The following NOP56 variants were observed in gnomAD, a reference collection of about 807,000 sequenced individuals.
NOP56 encodes the protein NOP56 ribonucleoprotein.
In NOP56, 31 loss-of-function variants were observed where a neutral mutation model predicts 58.3. The ratio of observed to expected loss-of-function variants is 0.53; its 90% CI spans 0.40 to 0.72. The LOEUF (loss-of-function observed/expected upper bound fraction) is 0.72. NOP56 is among the 30% of genes least tolerant of loss of function. NOP56 has a pLI of 0.00. For missense variants in NOP56, 669 were observed against 739.9 expected (o/e 0.90, Z 1.11); for synonymous variants, 313 against 282.8 (o/e 1.11, Z -1.07).
Position 2,655,370 on chromosome 20 carries a change from C to T in NOP56, c.615C>T (p.Asn205=), listed in dbSNP as rs753961148. 3.9e-5 allele frequency: 63 copies of T among 1,614,112 alleles called. No homozygotes were observed. In the East Asian group the frequency reaches 7.6e-4, roughly 19 times the overall value. Residue 205 remains asparagine, a synonymous_variant, in exon 6 of 12, where the codon AAC becomes AAT. Transcript: ENST00000329276. The part of the protein sequence containing the change: ...YHFPELVKII[N]DNATYCRLAQ... ...TTCCGGAGCTGGTGAAGATCATCAACGACAATGCCACATACTGCCGTCTTG... is the reference window on the plus strand; with the variant it reads ...TTCCGGAGCTGGTGAAGATCATCAATGACAATGCCACATACTGCCGTCTTG...
At chr20:2,654,160 C>T (rs1238748556) in intron 3 of NOP56, 1 of 708,194 alleles carries the variant, frequency 1.4e-6, no homozygotes, top group Non-Finnish European at 2.6e-6. Flanking sequence ...TATTTATTGC[C>T]CACTTGTGCT....
intron 11 of NOP56, 61 bp downstream of exon 11, chr20:2,657,279 A>C: frequency 3.1e-6 from 5 of 1,607,760 alleles, no homozygotes; most frequent in Non-Finnish European, 4.3e-6. Context: ...ACAGCAGAAC[A>C]AAGGATATGC....
At chr20:2,656,140 C>CTCTG in intron 8 of NOP56, 106 bp downstream of exon 8, 3 of 1,611,250 alleles carry the variant, frequency 1.9e-6, no homozygotes, top group Non-Finnish European at 2.5e-6. Context: ...CTATACAGGC[C>CTCTG]TCTGCTATGG....
chr20:2,655,964 A>G lies in NOP56; in HGVS notation c.940A>G (p.Ser314Gly), dbSNP rs1428414519. 1.9e-5 allele frequency: 30 copies of G among 1,614,060 alleles called. No homozygotes were observed. The highest frequency in any genetic ancestry group is 2.5e-5 in the Non-Finnish European group (30 of 1,180,044). The change falls in exon 8 of 12, where the codon AGC (serine) becomes GGC (glycine). Residue 314 changes from serine to glycine, a missense_variant. This residue lies in a region of NOP56 where 339 missense variants were observed against 430.5 expected (regional missense o/e 0.79). Transcript: ENST00000329276. ...TGCACGTCTCATCGCACATGCTGGC[A>G]GCCTCACCAACCTGGCCAAGTATCC... The part of the protein sequence containing the change: ...VGARLIAHAG[S>G]LTNLAKYPAS...
intron 3 of NOP56, 197 bp from the exon 4 acceptor site, chr20:2,654,217 G>A: frequency 1.3e-6 from 1 of 763,060 alleles, no homozygotes; most frequent in Non-Finnish European, 2.4e-6. Context: ...AGGCTTTGCA[G>A]TGATGACTTG....
intron 9 of NOP56, 87 bp downstream of exon 9, chr20:2,656,636 C>G: frequency 6.2e-7 from 1 of 1,606,334 alleles, no homozygotes; most frequent in Non-Finnish European, 8.5e-7. Context: ...ACAATGATGG[C>G]AATATTTTTC....
At chr20:2,655,270 C>T (rs758248414) in intron 5 of NOP56, 55 bp from the exon 6 acceptor site, 4 of 1,600,844 alleles carry the variant, frequency 2.5e-6, no homozygotes, top group Non-Finnish European at 1.7e-6. Context: ...AAGGCTGTAG[C>T]TCTATGGTTT....
chr20:2,655,102 A>G, intron 5 of NOP56, 155 bp downstream of exon 5: 5 of 1,082,474 alleles, frequency 4.6e-6, no homozygotes, highest in Non-Finnish European at 7.1e-6. Context: ...GTGTTCTTAC[A>G]CTGACTGTAT....
At chr20:2,655,266 G>GTA (rs777772752) in intron 5 of NOP56, 59 bp from the exon 6 acceptor site, 7 of 1,596,906 alleles carry the variant, frequency 4.4e-6, no homozygotes, top group Non-Finnish European at 2.6e-6. Context: ...AGGCAAGGCT[G>GTA]TAGCTCTATG....
In NOP56 at chr20:2,658,070, G is replaced by C. The variant is rs770566259; in HGVS notation, c.1561G>C (p.Asp521His). Residue 521 changes from aspartate (D) to histidine (H), a missense_variant, in exon 12 of 12, where the codon GAT becomes CAT. Asp to His is a moderately conservative substitution (Grantham distance 81). Around this residue, in one of 3 missense-constraint regions of NOP56, gnomAD observed 209 missense variants for 196.2 expected, o/e 1.07. Transcript: ENST00000329276. ...TTCCAAGGAGGAGTTGATGAGTAGC[G>C]ATCTTGAAGAGACCGCTGGCAGCAC... ...SFSKEELMSSDLEETAGSTSI... is the reference protein window; with the variant it reads ...SFSKEELMSSHLEETAGSTSI... 2.8e-5 allele frequency: 45 copies of C among 1,613,774 alleles called. No individual in the cohort carries two copies. The highest frequency in any genetic ancestry group is 3.3e-4 in the Middle Eastern group (2 of 6,082).
At chr20:2,656,625 C>T in intron 9 of NOP56, 76 bp downstream of exon 9, 1 of 1,607,148 alleles carries the variant, frequency 6.2e-7, no homozygotes, top group Non-Finnish European at 8.5e-7. Context: ...CCATAGCTTC[C>T]ACAATGATGG....
At chr20:2,655,066 A>T (rs1157438981) in intron 5 of NOP56, 119 bp downstream of exon 5, 1 of 1,287,586 alleles carries the variant, frequency 7.8e-7, no homozygotes, top group Non-Finnish European at 1.1e-6. Flanking sequence ...GGCTGGGTGT[A>T]GGCCTCCTGG....
chr20:2,656,065 G>T (rs765658870), intron 8 of NOP56, 31 bp downstream of exon 8: 1 of 1,613,920 alleles, frequency 6.2e-7, no homozygotes, highest in East Asian at 2.2e-5. Context: ...CCACAATCAG[G>T]TGCCACTTCT....
chr20:2,656,658 T>A (rs745467658), intron 9 of NOP56, 109 bp downstream of exon 9: 1 of 1,606,452 alleles, frequency 6.2e-7, no homozygotes, highest in Non-Finnish European at 8.5e-7. Context: ...TCAACAGCAG[T>A]TCACCTAGTG....
At position 2,656,430 on chromosome 20, in the gene NOP56, A is replaced by C; in HGVS notation, c.1040A>C (p.Lys347Thr). The change falls in exon 9 of 12, where the codon AAA (lysine) becomes ACA (threonine). Residue 347 changes from lysine (K) to threonine (T), a missense_variant. Physicochemically the swap from Lys to Thr is moderately conservative, Grantham distance 78. Transcript: ENST00000329276. Reference protein sequence around the residue: ...RALKTRGNTPKYGLIFHSTFI... With the variant: ...RALKTRGNTPTYGLIFHSTFI... ...CTGAAGACAAGGGGTAACACTCCAA[A>C]ATATGGACTCATTTTCCACTCCACC... 1 of 1,614,190 alleles carries C rather than the reference A, an allele frequency of 6.2e-7. No individual in the cohort carries two copies. The highest frequency in any genetic ancestry group is 1.6e-4 in the Middle Eastern group (1 of 6,062).
At chr20:2,655,839 G>T in intron 7 of NOP56, 93 bp downstream of exon 7, 1 of 1,610,490 alleles carries the variant, frequency 6.2e-7, no homozygotes, top group Admixed American at 1.7e-5. Context: ...GTCTTCCCTA[G>T]TTGTGCTTGA....
rs747781902 is a variant in NOP56 at position 2,655,670 on chromosome 20, G to A, written c.833G>A (p.Arg278His). The A allele has an allele frequency of 6.9e-5, 111 of 1,613,926 alleles. No individual in the cohort carries two copies. Among genetic ancestry groups the A allele is most frequent in the Non-Finnish European group, 9.2e-5 (109 of 1,180,000 alleles). The stretch of plus-strand genomic sequence containing the variant: ...CGTGTGGTGTCTTTATCTGAATACC[G>A]CCAGAGCCTACACACTTACCTGCGC... Reference protein sequence around the residue: ...SSRVVSLSEYRQSLHTYLRSK... With the variant: ...SSRVVSLSEYHQSLHTYLRSK... The change falls in exon 7 of 12, where the codon CGC becomes CAC. Residue 278 changes from arginine to histidine, a missense_variant. Transcript: ENST00000329276.
intron 3 of NOP56, 141 bp from the exon 4 acceptor site, chr20:2,654,273 A>C (rs73611742): frequency 1.1e-6 from 1 of 874,202 alleles, no homozygotes; most frequent in Admixed American, 1.7e-5. Context: ...TGATGTCTCC[A>C]TGTCTCTGAG....
Position 2,656,826 on chromosome 20 carries a change from A to G in NOP56, c.1212A>G (p.Arg404=), listed in dbSNP as rs757704396. 4 of 1,614,148 alleles carry G rather than the reference A, an allele frequency of 2.5e-6. No individual in the cohort carries two copies. The Admixed American group carries it at 6.7e-5, about 27-fold the overall frequency. ...GEKLREQVEE[R]LSFYETGEIP... ...AGCTTCGAGAACAAGTTGAAGAGCG[A>G]CTGTCCTTCTATGAGACTGGAGAGA... Residue 404 remains arginine, a synonymous_variant, in exon 10 of 12, where the codon CGA becomes CGG. Coordinates refer to ENST00000329276, the MANE Select transcript of NOP56 (RefSeq NM_006392.4).
Sources: gnomAD v4.1 joint callset for allele counts on GRCh38, gnomAD v4.1.1 for gene constraint, gnomAD v4.1.1 regional missense constraint, MANE v1.5 for transcripts, NCBI Gene and HGNC (gene_info 2026-07-23, HGNC 2026-07-21) for gene names.